Variants in CACNA1S observed in about 807,000 individuals in gnomAD.
CACNA1S encodes voltage-dependent L-type calcium channel subunit alpha-1S.
Under a neutral mutation model 207.4 loss-of-function variants are expected in CACNA1S, and 126 were observed. The observed-to-expected ratio is 0.61, with a 90% CI of 0.53 to 0.70. The LOEUF (loss-of-function observed/expected upper bound fraction) is 0.70, where lower values mean the gene tolerates loss of function less well. Ranked by LOEUF, CACNA1S falls within the 30% of genes least tolerant of loss-of-function variation. CACNA1S has a pLI of 0.00. For synonymous variants in CACNA1S, 960 were observed against 932.7 expected (o/e 1.03, Z -0.53); for missense variants, 2,349 against 2,422.8 (o/e 0.97, Z 0.64).
intron 2 of CACNA1S, among the ~76,000 whole-genome samples, chr1:201,103,260 A>AG (rs1662746904): frequency 6.7e-6 from 1 of 150,022 alleles, no homozygotes; most frequent in African/African-American, 2.4e-5. Context: ...AAAAAAAAAA[A>AG]GAAAGAAAGA....
rs756619964 is a variant in CACNA1S, at chr1:201,112,226, G to T, written c.114C>A (p.Asn38Lys). Residue 38 changes from asparagine (N) to lysine (K), a missense_variant, in exon 1 of 44, where the codon AAC (asparagine) becomes AAA (lysine). Physicochemically the swap from Asn to Lys is moderately conservative, Grantham distance 94. Coordinates refer to ENST00000362061, the MANE Select transcript of CACNA1S (RefSeq NM_000069.3). ...TGCTGATGCAGGCCTTCCTCAGGGG[G>T]TTCTCCAGGGTCAGGCAGAACAAGG... ...PRALFCLTLE[N>K]PLRKACISIV... is the part of the protein sequence containing the mutation. 1.9e-6 allele frequency: 3 copies of T among 1,613,848 alleles called. No homozygotes were observed. Among genetic ancestry groups the T allele is most frequent in the Non-Finnish European group, 2.5e-6 (3 of 1,179,988 alleles).
chr1:201,041,875 C>A (rs1232190025), intron 40 of CACNA1S: 2 of 488,158 alleles, frequency 4.1e-6, no homozygotes, highest in African/African-American at 2.0e-5. Flanking sequence ...AGCCTCCCAG[C>A]CTTTGGAACC....
chr1:201,041,763 T>G, intron 40 of CACNA1S, 174 bp from the exon 41 acceptor site: 1 of 681,324 alleles, frequency 1.5e-6, no homozygotes, highest in South Asian at 1.6e-5. Flanking sequence ...CAGCCCTGAC[T>G]CTCTAGGAGG....
rs373248127 is a variant in CACNA1S, at chr1:201,047,567, T to C, written c.4501A>G (p.Thr1501Ala). 2.4e-5 allele frequency: 38 copies of C among 1,614,122 alleles called. No individual in the cohort carries two copies. Among genetic ancestry groups the C allele is most frequent in the Non-Finnish European group, 3.1e-5 (36 of 1,180,042 alleles). ...RAIIKKIWKR[T>A]SMKLLDQVIP... ...ACCTGGTCCAAGAGCTTCATGCTGGTTCTCTTCCAGATCTTCTTGATGATG... is the reference window on the plus strand; with the variant it reads ...ACCTGGTCCAAGAGCTTCATGCTGGCTCTCTTCCAGATCTTCTTGATGATG... The change falls in exon 37 of 44, where the codon ACC becomes GCC. Residue 1501 changes from threonine to alanine, a missense_variant. Physicochemically the swap from Thr to Ala is moderately conservative, Grantham distance 58. Transcript: ENST00000362061.
intron 34 of CACNA1S, among the ~76,000 whole-genome samples, 163 bp from the exon 35 acceptor site, chr1:201,049,262 A>G (rs1440140005): frequency 6.6e-6 from 1 of 152,254 alleles, no homozygotes; most frequent in Non-Finnish European, 1.5e-5. Context: ...CTTTTAAAAG[A>G]AGAGACAATG....
chr1:201,069,059 C>G (rs577053051), intron 19 of CACNA1S, 78 bp downstream of exon 19: 1 of 1,273,466 alleles, frequency 7.9e-7, no homozygotes, highest in Non-Finnish European at 1.1e-6. Context: ...TCTCTCCAGC[C>G]CCTGAGTTCA....
chr1:201,065,310 A>G (rs1193208607), intron 22 of CACNA1S, among the ~76,000 whole-genome samples: 1 of 152,160 alleles, frequency 6.6e-6, no homozygotes, highest in African/African-American at 2.4e-5. Context: ...TCAGGTTTTC[A>G]TTTTAGCTTA....
chr1:201,054,416 A>G (rs1194084309), intron 29 of CACNA1S, 89 bp downstream of exon 29: 109 of 1,358,120 alleles, frequency 8.0e-5, no homozygotes, highest in Non-Finnish European at 1.1e-4. Flanking sequence ...GATCCACCCC[A>G]TGCAATCCAC....
At chr1:201,106,510 C>G (rs931705455) in intron 2 of CACNA1S, among the ~76,000 whole-genome samples, 3 of 152,110 alleles carry the variant, frequency 2.0e-5, no homozygotes, top group South Asian at 2.1e-4. Context: ...ATGGGGGGCC[C>G]AGTACAAGTG....
At position 201,040,340 on chromosome 1, in the gene CACNA1S, C is replaced by T. The variant is rs1660104867; in HGVS notation, c.5261G>A (p.Arg1754Lys). 3 of 1,613,690 alleles carry T rather than the reference C, an allele frequency of 1.9e-6. No homozygotes were observed. The African/African-American group carries it at 4.0e-5, about 22-fold the overall frequency. ...PRVESSMPED[R>K]KSSTPGSLHE... ...AAGAGACCCTGGTGTGGAGCTCTTT[C>T]TGTCCTCAGGCATGGAGGACTCCAC... is the stretch of plus-strand genomic sequence containing the variant. Residue 1754 changes from arginine (R) to lysine (K), a missense_variant, in exon 43 of 44, where the codon AGA (arginine) becomes AAA (lysine). Transcript: ENST00000362061.
chr1:201,095,155 T>A (rs1255206507), intron 2 of CACNA1S, among the ~76,000 whole-genome samples: 1 of 137,862 alleles, frequency 7.3e-6, no homozygotes, highest in Non-Finnish European at 1.6e-5. Context: ...TACATATATA[T>A]ACATATATAT....
chr1:201,050,902 G>T, intron 33 of CACNA1S, 82 bp downstream of exon 33: 1 of 1,432,454 alleles, frequency 7.0e-7, no homozygotes, highest in Non-Finnish European at 9.8e-7. Context: ...GGTGGAAACT[G>T]GCCAGGAAGG....
At chr1:201,089,973 A>G (rs1401006666) in intron 5 of CACNA1S, among the ~76,000 whole-genome samples, 2 of 152,070 alleles carry the variant, frequency 1.3e-5, no homozygotes, top group Admixed American at 6.5e-5. Context: ...CCGAGCCTGC[A>G]CTCTCCTTTG....
intron 10 of CACNA1S, among the ~76,000 whole-genome samples, chr1:201,078,793 T>C (rs1353289380): frequency 6.6e-6 from 1 of 152,072 alleles, no homozygotes; most frequent in Non-Finnish European, 1.5e-5. Flanking sequence ...ATTTAACTTC[T>C]TTCTTTCAAA....
intron 22 of CACNA1S, among the ~76,000 whole-genome samples, chr1:201,064,827 A>G (rs1324508585): frequency 1.3e-5 from 2 of 152,262 alleles, no homozygotes; most frequent in African/African-American, 2.4e-5. Context: ...TGAGAAAAGT[A>G]TAAGGTTGGC....
intron 29 of CACNA1S, 79 bp downstream of exon 29, chr1:201,054,426 C>T (rs554378533): frequency 1.3e-5 from 19 of 1,429,978 alleles, no homozygotes; most frequent in Admixed American, 3.3e-5. Flanking sequence ...ATGCAATCCA[C>T]GCAGCCAGGC....
chr1:201,068,054 G>A (rs1661310297), intron 19 of CACNA1S, among the ~76,000 whole-genome samples: 1 of 152,056 alleles, frequency 6.6e-6, no homozygotes, highest in Non-Finnish European at 1.5e-5. Context: ...TGTTGGGAAT[G>A]GGTGAGCAGT....
chr1:201,076,928 C>A lies in CACNA1S; in HGVS notation c.1819G>T (p.Val607Phe). Residue 607 changes from valine (V) to phenylalanine (F), a missense_variant, in exon 12 of 44, where the codon GTC becomes TTC. Physicochemically the swap from Val to Phe is conservative, Grantham distance 50. Coordinates refer to ENST00000362061, the MANE Select transcript of CACNA1S (RefSeq NM_000069.3). ...GCAGAGGGAGAGCCTACCTGGAAGA[C>A]GCTGATGAGGGCTTGGGGAAAGTTG... ...FDNFPQALIS[V>F]FQVLTGEDWT... 2 of 1,614,130 alleles carry A rather than the reference C, an allele frequency of 1.2e-6. No homozygotes were observed. The highest frequency in any genetic ancestry group is 2.2e-5 in the South Asian group (2 of 91,084).
Position 201,078,055 on chromosome 1 carries a change from C to T in CACNA1S, c.1443G>A (p.Met481Ile). The T allele has an allele frequency of 6.2e-7, 1 of 1,614,236 alleles. No individual in the cohort carries two copies. The change falls in exon 11 of 44, where the codon ATG becomes ATA. Residue 481 changes from methionine (M) to isoleucine (I), a missense_variant. By Grantham distance (10) the Met-to-Ile change is conservative (BLOSUM62 1). Coordinates refer to ENST00000362061, the MANE Select transcript of CACNA1S (RefSeq NM_000069.3). ...GGCGCAGGCCCAGCCCGTACATCTTCATCAGCATCTCAGTGGTGAAGAGGG... is the reference window on the plus strand; with the variant it reads ...GGCGCAGGCCCAGCCCGTACATCTTTATCAGCATCTCAGTGGTGAAGAGGG... ...LLSLFTTEML[M>I]KMYGLGLRQY...
Sources: gnomAD v4.1 joint callset for allele counts (sites outside exome capture counted in the v4.1 genomes callset) on GRCh38, gnomAD v4.1.1 for gene constraint, MANE v1.5 for transcripts, NCBI Gene and HGNC (gene_info 2026-07-23, HGNC 2026-07-21) for gene names.